Variants in ALDH1A2 observed in about 807,000 individuals in gnomAD.
ALDH1A2 encodes aldehyde dehydrogenase 1 family member A2, also known as retinal dehydrogenase 2.
In ALDH1A2, 27 loss-of-function variants were observed where a neutral mutation model predicts 60.3. The observed-to-expected ratio is 0.45, with a 90% CI of 0.33 to 0.62. The LOEUF (loss-of-function observed/expected upper bound fraction) is 0.62, where lower values mean the gene tolerates loss of function less well. Among genes scored for constraint, ALDH1A2 ranks in the 20% least tolerant of loss-of-function variants. The probability of loss-of-function intolerance (pLI) is 0.02; values close to 1 mark genes in which losing one functional copy is unlikely to be tolerated. For synonymous variants in ALDH1A2, 289 were observed against 232.4 expected (o/e 1.24, Z -2.21); for missense variants, 581 against 643.8 (o/e 0.90, Z 1.06).
chr15:58,003,324 A>G (rs1895338178), intron 4 of ALDH1A2, among the ~76,000 whole-genome samples: 1 of 151,856 alleles, frequency 6.6e-6, no homozygotes, highest in Admixed American at 6.6e-5. Flanking sequence ...CTGATGGAAC[A>G]AGAATACTTC....
intron 4 of ALDH1A2, among the ~76,000 whole-genome samples, chr15:58,009,458 A>C (rs1451618038): frequency 1.3e-5 from 2 of 151,860 alleles, no homozygotes; most frequent in African/African-American, 4.8e-5. Context: ...CTGGCTAAGA[A>C]GGCCCAAAAG....
chr15:58,062,699 A>T (rs371247181), intron 1 of ALDH1A2, among the ~76,000 whole-genome samples: 9 of 152,346 alleles, frequency 5.9e-5, no homozygotes, highest in African/African-American at 2.2e-4. Context: ...ATCTAGTTTT[A>T]AAAAGCACAT....
chr15:57,968,753 A>C (rs1893972496), intron 7 of ALDH1A2, among the ~76,000 whole-genome samples: 1 of 152,222 alleles, frequency 6.6e-6, no homozygotes, highest in Admixed American at 6.5e-5. Flanking sequence ...CTGCTGGCCC[A>C]GCTGGCATTA....
At chr15:58,041,050 T>C (rs186961508) in intron 1 of ALDH1A2, among the ~76,000 whole-genome samples, 3 of 152,058 alleles carry the variant, frequency 2.0e-5, no homozygotes, top group Non-Finnish European at 4.4e-5. Flanking sequence ...ACTTCCTTCA[T>C]GCCGCATGAC....
intron 3 of ALDH1A2, among the ~76,000 whole-genome samples, chr15:58,012,330 T>G (rs1410038490): frequency 6.6e-6 from 1 of 152,150 alleles, no homozygotes; most frequent in East Asian, 1.9e-4. Context: ...CATTTGCCAT[T>G]TATGTGCTAA....
intron 7 of ALDH1A2, among the ~76,000 whole-genome samples, chr15:57,985,073 A>C (rs1354010714): frequency 1.3e-5 from 2 of 152,138 alleles, no homozygotes; most frequent in African/African-American, 4.8e-5. Context: ...GTTGGTATAT[A>C]GTTTTCTTGT....
At chr15:57,957,524 G>A (rs1459494649) in intron 12 of ALDH1A2, among the ~76,000 whole-genome samples, 2 of 152,154 alleles carry the variant, frequency 1.3e-5, no homozygotes, top group Non-Finnish European at 1.5e-5. Context: ...GCTAAATTTT[G>A]TGGCACATAC....
intron 1 of ALDH1A2, among the ~76,000 whole-genome samples, chr15:58,063,999 A>AT (rs1434486097): frequency 6.6e-6 from 1 of 152,252 alleles, no homozygotes; most frequent in Non-Finnish European, 1.5e-5. Flanking sequence ...AAACGTACCT[A>AT]TTGCATACCT....
At position 57,965,623 on chromosome 15, in the gene ALDH1A2, G is replaced by C. The variant is rs565802107; in HGVS notation, c.901+102C>G. The stretch of plus-strand genomic sequence containing the variant: ...GAGGAGATCTTTTTGATTGCCCTTA[G>C]CTTCAAATATCTTTTGCTAGTGTCC... On this transcript the variant is annotated intron_variant, in intron 8 of 12. Coordinates refer to ENST00000249750, the MANE Select transcript of ALDH1A2 (RefSeq NM_003888.4). 56 of 924,746 alleles carry C rather than the reference G, an allele frequency of 6.1e-5. No homozygotes were observed. In the East Asian group the frequency reaches 1.1e-3, roughly 17 times the overall value. 57.3% of individuals were successfully genotyped at this position (924,746 alleles called of 1,614,324 possible). A position where few individuals can be genotyped will look rare whatever the true frequency, so the allele number is the denominator to read the frequency against.
chr15:58,054,914 T>C (rs1226725118), intron 1 of ALDH1A2, among the ~76,000 whole-genome samples: 1 of 152,104 alleles, frequency 6.6e-6, no homozygotes, highest in Non-Finnish European at 1.5e-5. Context: ...AATTCTCTCC[T>C]TTTTTTAAAT....
chr15:57,980,227 C>G (rs1443207996), intron 7 of ALDH1A2: 5 of 330,568 alleles, frequency 1.5e-5, no homozygotes, highest in Admixed American at 1.5e-4. Flanking sequence ...TGCCAATGTC[C>G]ACCCCGCTCT....
rs999094176 is a variant in ALDH1A2 at position 57,954,948 on chromosome 15, C to A, written c.*249G>T. 3 of 572,916 alleles carry A rather than the reference C, an allele frequency of 5.2e-6. No homozygotes were observed. The South Asian group carries it at 6.1e-5, about 12-fold the overall frequency. The allele number at this position is 572,916 out of a possible 1,614,324, so 35.5% of individuals were successfully genotyped here. The stretch of plus-strand genomic sequence containing the variant: ...GAGATACTGGATGTGTCTGCTAGCT[C>A]CTCCTCCTCCCTTTATCCCACTTTC... On this transcript the variant is annotated 3_prime_UTR_variant, in exon 13 of 13. Coordinates refer to ENST00000249750, the MANE Select transcript of ALDH1A2 (RefSeq NM_003888.4).
At position 57,961,279 on chromosome 15, in the gene ALDH1A2, G is replaced by C; in HGVS notation, c.1267C>G (p.Gln423Glu). The change falls in exon 11 of 13, where the codon CAG (glutamine) becomes GAG (glutamate). Residue 423 changes from glutamine to glutamate, a missense_variant. By Grantham distance (29) the Gln-to-Glu change is conservative. This residue lies in a region of ALDH1A2 where 375 missense variants were observed against 469.7 expected (regional missense o/e 0.80). Coordinates refer to ENST00000249750, the MANE Select transcript of ALDH1A2 (RefSeq NM_003888.4). ...ATCGTCTTAAATCTCAAAATTTCCTGAACAGGGCCAAAGATCTGCAAAAAG... is the reference window on the plus strand; with the variant it reads ...ATCGTCTTAAATCTCAAAATTTCCTCAACAGGGCCAAAGATCTGCAAAAAG... ...IAKEEIFGPV[Q>E]EILRFKTMDE... is the part of the protein sequence containing the mutation. 1 of 1,613,924 alleles carries C rather than the reference G, an allele frequency of 6.2e-7. No individual in the cohort carries two copies. The highest frequency in any genetic ancestry group is 2.2e-5 in the East Asian group (1 of 44,882).
At chr15:58,008,982 C>G (rs1895544930) in intron 4 of ALDH1A2, among the ~76,000 whole-genome samples, 1 of 152,098 alleles carries the variant, frequency 6.6e-6, no homozygotes, top group Non-Finnish European at 1.5e-5. Context: ...TCCCCAAGGG[C>G]AATCTTCTCC....
intron 1 of ALDH1A2, among the ~76,000 whole-genome samples, chr15:58,059,629 C>G (rs1468336304): frequency 2.0e-5 from 3 of 152,128 alleles, no homozygotes; most frequent in African/African-American, 7.2e-5. Flanking sequence ...TTAGGCTCAG[C>G]TAATCGGGCA....
intron 7 of ALDH1A2, among the ~76,000 whole-genome samples, chr15:57,966,183 AG>A (rs1412194905): frequency 1.3e-5 from 2 of 152,040 alleles, no homozygotes; most frequent in African/African-American, 2.4e-5. Context: ...CTCCGGCTCC[AG>A]AAAAAAGCCA....
At chr15:58,009,060 A>C (rs2140512254) in intron 4 of ALDH1A2, among the ~76,000 whole-genome samples, 1 of 152,196 alleles carries the variant, frequency 6.6e-6, no homozygotes, top group South Asian at 2.1e-4. Context: ...ACAATCAGAA[A>C]CCCATTTTCT....
At chr15:58,022,084 T>A (rs1283201819) in intron 1 of ALDH1A2, among the ~76,000 whole-genome samples, 1 of 152,096 alleles carries the variant, frequency 6.6e-6, no homozygotes, top group East Asian at 1.9e-4. Flanking sequence ...CTACTGCCCC[T>A]CACTCAAGCA....
chr15:57,995,231 A>AC (rs1895015315), intron 4 of ALDH1A2, 92 bp from the exon 5 acceptor site: 6 of 755,100 alleles, frequency 7.9e-6, no homozygotes, highest in Non-Finnish European at 1.3e-5. Flanking sequence ...AAAAAAAAAA[A>AC]AAAAACAAAC....
Sources: gnomAD v4.1 joint callset for allele counts (sites outside exome capture counted in the v4.1 genomes callset) on GRCh38, gnomAD v4.1.1 for gene constraint, gnomAD v4.1.1 regional missense constraint, MANE v1.5 for transcripts, NCBI Gene and HGNC (gene_info 2026-07-23, HGNC 2026-07-21) for gene names.